The following OR2C1 variants were observed in gnomAD, a reference collection of about 807,000 sequenced individuals.
OR2C1 encodes olfactory receptor family 2 subfamily C member 1, also known as olfactory receptor 2C1.
For missense variants in OR2C1, 468 were observed against 388.3 expected (o/e 1.21, Z -1.73); for synonymous variants, 209 against 167.3 (o/e 1.25, Z -1.92).
the OR2C1 span, among the ~76,000 whole-genome samples, chr16:3,329,102 A>G: frequency 6.6e-6 from 1 of 150,682 alleles, no homozygotes; most frequent in Non-Finnish European, 1.5e-5. Flanking sequence ...TCAAATAAGG[A>G]ATCAGTAAGC....
the OR2C1 span, among the ~76,000 whole-genome samples, chr16:3,328,670 C>A: frequency 6.6e-6 from 1 of 152,170 alleles, no homozygotes; most frequent in Non-Finnish European, 1.5e-5. Context: ...TGCTCACCCT[C>A]CCTCTCCTTA....
At chr16:3,337,278 C>T in the OR2C1 span, among the ~76,000 whole-genome samples, 1 of 152,060 alleles carries the variant, frequency 6.6e-6, no homozygotes, top group African/African-American at 2.4e-5. Flanking sequence ...CCTCAGCCTC[C>T]CAAGTAGCTG....
Position 3,355,971 on chromosome 16 carries a change from G to A in OR2C1, c.31G>A (p.Gly11Ser), listed in dbSNP as rs1198754476. The change falls in exon 1 of 1, where the codon GGC (glycine) becomes AGC (serine). Residue 11 changes from glycine (G) to serine (S), a missense_variant. Transcript: ENST00000304936. MDGVNDSSLQ[G>S]FVLMGISDHP... ...CGGGGTGAATGATAGCTCCTTGCAG[G>A]GCTTTGTTCTGATGGGCATATCAGA... 6 of 1,612,990 alleles carry A rather than the reference G, an allele frequency of 3.7e-6. No individual in the cohort carries two copies. Among genetic ancestry groups the A allele is most frequent in the Non-Finnish European group, 5.1e-6 (6 of 1,179,382 alleles).
chr16:3,331,311 C>T, the OR2C1 span, among the ~76,000 whole-genome samples: 2 of 151,664 alleles, frequency 1.3e-5, no homozygotes, highest in African/African-American at 4.8e-5. Context: ...GAGTAGGTTG[C>T]GAAAATTTTC....
chr16:3,328,856 A>T, the OR2C1 span, among the ~76,000 whole-genome samples: 3 of 152,122 alleles, frequency 2.0e-5, no homozygotes, highest in Admixed American at 6.6e-5. Flanking sequence ...CCCTGTCTAA[A>T]CTTGCCTGGT....
chr16:3,351,220 C>CTTTCTTTTTTTTTTTTTTTTT (rs2030568553), upstream of OR2C1, among the ~76,000 whole-genome samples: 1 of 18,654 alleles, frequency 5.4e-5, no homozygotes, highest in African/African-American at 2.1e-4. Context: ...TTTTCTTTTT[C>CTTTCTTTTTTTTTTTTTTTTT]TTTTTCTTTT....
At chr16:3,327,585 T>C in the OR2C1 span, among the ~76,000 whole-genome samples, 1 of 151,198 alleles carries the variant, frequency 6.6e-6, no homozygotes, top group Non-Finnish European at 1.5e-5. Context: ...TGCCTCGTAA[T>C]GAGAGTGGTC....
chr16:3,334,587 C>G, the OR2C1 span, among the ~76,000 whole-genome samples: 1 of 149,284 alleles, frequency 6.7e-6, no homozygotes, highest in Non-Finnish European at 1.5e-5. Flanking sequence ...TGAGTCTAAA[C>G]TATTCCCAAA....
the OR2C1 span, among the ~76,000 whole-genome samples, chr16:3,326,289 A>T: frequency 6.6e-6 from 1 of 151,890 alleles, no homozygotes; most frequent in Non-Finnish European, 1.5e-5. Context: ...CTCACCCTAC[A>T]CCAGGCAAAA....
the OR2C1 span, among the ~76,000 whole-genome samples, chr16:3,339,443 A>G: frequency 1.7e-4 from 26 of 152,122 alleles, no homozygotes; most frequent in Non-Finnish European, 3.1e-4. Flanking sequence ...ACTGTTTTCT[A>G]CAGTGGCTGA....
chr16:3,322,992 T>G, the OR2C1 span: 3 of 934,240 alleles, frequency 3.2e-6, no homozygotes, highest in African/African-American at 5.3e-5. Context: ...AATTTTTCCT[T>G]GGAACTGGAC....
chr16:3,356,663 C>G lies in OR2C1; in HGVS notation c.723C>G (p.Cys241Trp), dbSNP rs1444507202. The G allele has an allele frequency of 6.2e-7, 1 of 1,614,158 alleles. No homozygotes were observed. Among genetic ancestry groups the G allele is most frequent in the Admixed American group, 1.7e-5 (1 of 60,030 alleles). The change falls in exon 1 of 1, where the codon TGC becomes TGG. Residue 241 changes from cysteine to tryptophan, a missense_variant. Transcript: ENST00000304936. ...AEGRRKAFNT[C>W]LSHLLVVFLF... The stretch of plus-strand genomic sequence containing the variant: ...GGAGGCGAAAGGCGTTCAATACGTG[C>G]CTCTCCCATCTGCTGGTGGTGTTCC...
the OR2C1 span, among the ~76,000 whole-genome samples, chr16:3,350,601 C>CG: frequency 6.7e-6 from 1 of 149,810 alleles, no homozygotes; most frequent in Admixed American, 6.7e-5. Context: ...TTACTGGAGA[C>CG]GGGGTTTCAC....
chr16:3,323,021 C>A, the OR2C1 span: 1 of 690,848 alleles, frequency 1.4e-6, no homozygotes, highest in African/African-American at 1.9e-5. Context: ...GAGGTACTTG[C>A]CATGAACCTA....
At chr16:3,343,944 C>T in the OR2C1 span, among the ~76,000 whole-genome samples, 20 of 152,238 alleles carry the variant, frequency 1.3e-4, no homozygotes, top group South Asian at 4.1e-4. Context: ...ATGGGCTGGG[C>T]GCAATGGCTC....
the OR2C1 span, among the ~76,000 whole-genome samples, chr16:3,332,694 T>A: frequency 6.8e-6 from 1 of 147,004 alleles, no homozygotes; most frequent in East Asian, 2.0e-4. Context: ...TGTTCTTTTT[T>A]ATGGCTGAAT....
the OR2C1 span, among the ~76,000 whole-genome samples, chr16:3,346,037 G>A: frequency 6.6e-6 from 1 of 152,078 alleles, no homozygotes; most frequent in Non-Finnish European, 1.5e-5. Flanking sequence ...ATCTCACTAT[G>A]TTGCCCAGGC....
chr16:3,324,093 A>G, the OR2C1 span, among the ~76,000 whole-genome samples: 2 of 152,256 alleles, frequency 1.3e-5, no homozygotes, highest in Non-Finnish European at 2.9e-5. Flanking sequence ...ACTGTTCACA[A>G]AGACAAAATT....
chr16:3,354,169 G>C (rs1162703579), upstream of OR2C1, among the ~76,000 whole-genome samples: 1 of 151,942 alleles, frequency 6.6e-6, no homozygotes, highest in African/African-American at 2.4e-5. Flanking sequence ...ATTATTAGTA[G>C]AGACGGGGTT....
Sources: gnomAD v4.1 joint callset for allele counts (sites outside exome capture counted in the v4.1 genomes callset) on GRCh38, gnomAD v4.1.1 for gene constraint, MANE v1.5 for transcripts, NCBI Gene and HGNC (gene_info 2026-07-23, HGNC 2026-07-21) for gene names.